AGPAT5: variants seen among roughly 807,000 people sequenced by gnomAD.
The protein encoded by AGPAT5 is 1-acyl-sn-glycerol-3-phosphate acyltransferase epsilon.
A neutral mutation model predicts 45.6 loss-of-function variants in AGPAT5; 46 were observed. That is an observed-to-expected ratio of 1.01 (90% CI 0.80 to 1.29). The LOEUF (loss-of-function observed/expected upper bound fraction) is 1.29. AGPAT5 is among the 50% of genes most tolerant of loss of function. The pLI is 0.00. For synonymous variants in AGPAT5, 272 were observed against 167.0 expected, an observed-to-expected ratio of 1.63 and a Z score of -4.85; for missense variants, 673 against 450.7, an observed-to-expected ratio of 1.49 and a Z score of -4.47.
At position 6,759,223 on chromosome 8, in the gene AGPAT5, A is replaced by G. The variant is rs1050768468; in HGVS notation, c.*1835A>G. 1 of 152,214 alleles carries G rather than the reference A, an allele frequency of 6.6e-6. No homozygotes were observed. The highest frequency in any genetic ancestry group is 6.5e-5 in the Admixed American group (1 of 15,278). 9.4% of individuals were successfully genotyped at this position (152,214 alleles called of 1,614,324 possible). ...AGGGATTTAATATATTTTGAATATA[A>G]TGGGTATGTTCTAAATTTGAACTTT... On this transcript the variant is annotated 3_prime_UTR_variant, in exon 8 of 8. Coordinates refer to ENST00000285518, the MANE Select transcript of AGPAT5 (RefSeq NM_018361.5).
chr8:6,738,522 A>C (rs939609509), intron 4 of AGPAT5: 22 of 152,356 alleles, frequency 1.4e-4, no homozygotes, highest in African/African-American at 5.3e-4. Context: ...ATATTGTGAG[A>C]TTACCGAAAT....
intron 1 of AGPAT5, among the ~76,000 whole-genome samples, chr8:6,715,733 A>G (rs1304021200): frequency 1.3e-5 from 2 of 152,212 alleles, no homozygotes; most frequent in Non-Finnish European, 2.9e-5. Flanking sequence ...ACAATATAGG[A>G]TAACACTGAA....
intron 6 of AGPAT5, among the ~76,000 whole-genome samples, chr8:6,750,251 G>A (rs535598974): frequency 3.5e-4 from 53 of 152,270 alleles, no homozygotes; most frequent in Admixed American, 1.0e-3. Context: ...CTTCCCAGCC[G>A]CATCATAAGT....
Position 6,741,898 on chromosome 8 carries a change from A to G in AGPAT5, c.586+147A>G, listed in dbSNP as rs554220767. 5.0e-6 allele frequency: 3 copies of G among 604,140 alleles called. No individual in the cohort carries two copies. In the African/African-American group the frequency reaches 5.7e-5, roughly 11 times the overall value. The allele number at this position is 604,140 out of a possible 1,614,324, so 37.4% of individuals were successfully genotyped here. A position where few individuals can be genotyped will look rare whatever the true frequency, so the allele number is the denominator to read the frequency against. On this transcript the variant is annotated intron_variant, in intron 5 of 7. Transcript: ENST00000285518. ...ATTAGTGTACATATTATCTCTTAGG[A>G]AATGAAGTTTCTTCTCCTTAATTCA...
At chr8:6,719,584 A>C (rs976325778) in intron 1 of AGPAT5, among the ~76,000 whole-genome samples, 1 of 152,244 alleles carries the variant, frequency 6.6e-6, no homozygotes, top group Non-Finnish European at 1.5e-5. Flanking sequence ...CAAATCAGAC[A>C]TCACCATTAT....
intron 6 of AGPAT5, among the ~76,000 whole-genome samples, chr8:6,750,436 A>G (rs1801621768): frequency 6.6e-6 from 1 of 152,206 alleles, no homozygotes; most frequent in Non-Finnish European, 1.5e-5. Flanking sequence ...ACTTACCCAG[A>G]TACCATAAAG....
chr8:6,716,141 T>C lies in AGPAT5; in HGVS notation c.219+7254T>C, dbSNP rs1306971887. ...GTAACTTTTATGTAATATTAACATA[T>C]ATAATACTGATATAACATTAGCATA... On this transcript the variant is annotated intron_variant, in intron 1 of 7. Coordinates refer to ENST00000285518, the MANE Select transcript of AGPAT5 (RefSeq NM_018361.5). Among the ~76,000 whole-genome samples the C allele has an allele frequency of 3.3e-5, 5 of 152,222 alleles. No individual in the cohort carries two copies. The East Asian group carries it at 7.7e-4, about 23-fold the overall frequency.
In AGPAT5 at chr8:6,708,720, A is replaced by C; in HGVS notation, c.52A>C (p.Ser18Arg). 1 of 1,606,584 alleles carries C rather than the reference A, an allele frequency of 6.2e-7. No individual in the cohort carries two copies. Among genetic ancestry groups the C allele is most frequent in the Non-Finnish European group, 8.5e-7 (1 of 1,179,620 alleles). Residue 18 changes from serine to arginine, a missense_variant, in exon 1 of 8, where the codon AGC (serine) becomes CGC (arginine). Ser to Arg is a moderately radical substitution (Grantham distance 110). Transcript: ENST00000285518. ...HTYSMRYLLP[S>R]VVLLGTAPTY... ...GTACTCCATGCGCTACCTGCTGCCC[A>C]GCGTCGTGCTCCTGGGCACGGCGCC...
chr8:6,755,019 A>G lies in AGPAT5; in HGVS notation c.746-32A>G, dbSNP rs1366456234. 5.5e-6 allele frequency: 8 copies of G among 1,454,394 alleles called. No individual in the cohort carries two copies. In the East Asian group the frequency reaches 7.4e-5, roughly 13 times the overall value. 90.1% of individuals were successfully genotyped at this position (1,454,394 alleles called of 1,614,324 possible). ...ATATGACCATGAGTTCTAAAATAGT[A>G]AAAAAAAAGAATTATTTTTGTTCTT... is the stretch of plus-strand genomic sequence containing the variant. On this transcript the variant is annotated intron_variant, in intron 6 of 7. Coordinates refer to ENST00000285518, the MANE Select transcript of AGPAT5 (RefSeq NM_018361.5).
At chr8:6,747,578 T>G in intron 5 of AGPAT5, 92 bp from the exon 6 acceptor site, 1 of 1,201,518 alleles carries the variant, frequency 8.3e-7, no homozygotes, top group Non-Finnish European at 1.2e-6. Context: ...GTTGTGTGTG[T>G]TTGAGGGAAT....
At chr8:6,709,103 C>G (rs1205543971) in intron 1 of AGPAT5, 1 of 612,108 alleles carries the variant, frequency 1.6e-6, no homozygotes, top group South Asian at 1.9e-5. Flanking sequence ...CCTGAGGCTA[C>G]GAGTGGGACC....
chr8:6,724,701 G>C (rs930146474), intron 1 of AGPAT5, among the ~76,000 whole-genome samples, 169 bp from the exon 2 acceptor site: 4 of 152,096 alleles, frequency 2.6e-5, no homozygotes, highest in African/African-American at 9.7e-5. Flanking sequence ...ACTGCTTTCT[G>C]TACCTGCGCT....
chr8:6,748,757 G>A (rs373916681), intron 6 of AGPAT5, among the ~76,000 whole-genome samples: 2 of 152,054 alleles, frequency 1.3e-5, no homozygotes, highest in African/African-American at 2.4e-5. Context: ...CACGCACCTC[G>A]GCCTCCCAAA....
chr8:6,755,784 AC>A (rs1801814121), intron 7 of AGPAT5, among the ~76,000 whole-genome samples: 1 of 152,032 alleles, frequency 6.6e-6, no homozygotes, highest in Admixed American at 6.6e-5. Context: ...TTTTTAATTA[AC>A]CCTCCTGGGT....
rs1223468411 is a variant in AGPAT5 at position 6,760,131 on chromosome 8, G to C, written c.*2743G>C. On this transcript the variant is annotated 3_prime_UTR_variant, in exon 8 of 8. Coordinates refer to ENST00000285518, the MANE Select transcript of AGPAT5 (RefSeq NM_018361.5). ...ATAATTATATTCTTTGAATAGGTCT[G>C]TGTCAATCAAGTGATCTAACTAGAC... Among the ~76,000 whole-genome samples the C allele has an allele frequency of 6.6e-6, 1 of 152,078 alleles. No individual in the cohort carries two copies. Among genetic ancestry groups the C allele is most frequent in the Non-Finnish European group, 1.5e-5 (1 of 68,026 alleles).
intron 2 of AGPAT5, among the ~76,000 whole-genome samples, chr8:6,727,147 C>T (rs767661185): frequency 2.6e-5 from 4 of 152,260 alleles, no homozygotes; most frequent in Admixed American, 1.3e-4. Context: ...TGTTGTTCTG[C>T]TTAGACTTTC....
chr8:6,737,516 T>C (rs1331649852), intron 4 of AGPAT5, among the ~76,000 whole-genome samples: 1 of 152,182 alleles, frequency 6.6e-6, no homozygotes, highest in Non-Finnish European at 1.5e-5. Context: ...GCTGGGACAA[T>C]ACAGTATTTT....
At chr8:6,728,749 A>G (rs933411155) in intron 2 of AGPAT5, among the ~76,000 whole-genome samples, 5 of 152,232 alleles carry the variant, frequency 3.3e-5, no homozygotes, top group African/African-American at 1.2e-4. Context: ...ATTAGTTCTC[A>G]GAATTTATTG....
intron 1 of AGPAT5, among the ~76,000 whole-genome samples, chr8:6,713,899 A>G (rs1259096297): frequency 6.6e-6 from 1 of 152,228 alleles, no homozygotes; most frequent in Non-Finnish European, 1.5e-5. Context: ...TTTTATCTAG[A>G]GAACATTTAT....
Sources: allele counts gnomAD v4.1 joint callset (sites outside exome capture counted in the v4.1 genomes callset), GRCh38; gene constraint gnomAD v4.1.1; transcripts MANE v1.5; gene names NCBI Gene and HGNC (gene_info 2026-07-23, HGNC 2026-07-21).